WDR64: variants seen among roughly 807,000 people sequenced by gnomAD.
WDR64 encodes the protein WD repeat-containing protein 64.
WDR64 carries 112 observed loss-of-function variants against 139.3 expected under a neutral mutation model. The ratio of observed to expected loss-of-function variants is 0.80; its 90% CI spans 0.69 to 0.94. The LOEUF (loss-of-function observed/expected upper bound fraction) is 0.94. Ranked by LOEUF, WDR64 falls within the 40% of genes least tolerant of loss-of-function variation. WDR64 has a pLI of 0.00. For synonymous variants in WDR64, 444 were observed against 437.7 expected, an observed-to-expected ratio of 1.01 and a Z score of -0.18; for missense variants, 1,206 against 1,293.1, an observed-to-expected ratio of 0.93 and a Z score of 1.03.
intron 15 of WDR64, among the ~76,000 whole-genome samples, chr1:241,761,089 C>T (rs1657866283): frequency 6.6e-6 from 1 of 152,076 alleles, no homozygotes; most frequent in African/African-American, 2.4e-5. Context: ...TGTGAGACTG[C>T]CTATTTCCCC....
At chr1:241,764,256 C>T (rs58903593) in intron 15 of WDR64, among the ~76,000 whole-genome samples, 22,900 of 152,150 alleles carry the variant, frequency 0.15, 1,917 homozygotes, top group African/African-American at 0.19. Context: ...CAGATTTGTG[C>T]TGTGGGCAGC....
intron 25 of WDR64, among the ~76,000 whole-genome samples, chr1:241,792,622 GA>G (rs1659242724): frequency 6.6e-6 from 1 of 152,052 alleles, no homozygotes; most frequent in African/African-American, 2.4e-5. Context: ...AATCAGTGAG[GA>G]AAAAAGAGAC....
chr1:241,671,582 C>T lies in WDR64; in HGVS notation c.379+406C>T, dbSNP rs115611652. On this transcript the variant is annotated intron_variant, in intron 3 of 27. Coordinates refer to ENST00000437684, the MANE Select transcript of WDR64 (RefSeq NM_001367482.1). ...ACTCTTCTATTCACTCTCATCTACC[C>T]GGGATTATCTTAAAGATGTTTAACC... Among the ~76,000 whole-genome samples the T allele has an allele frequency of 2.8e-3, 422 of 152,220 alleles. 4 individuals are homozygous for T. The highest frequency in any genetic ancestry group is 9.3e-3 in the African/African-American group (385 of 41,530).
chr1:241,796,624 C>G (rs1659372286), intron 27 of WDR64, among the ~76,000 whole-genome samples: 1 of 152,040 alleles, frequency 6.6e-6, no homozygotes, highest in South Asian at 2.1e-4. Context: ...TCCTAAGTAG[C>G]TGGGATTACA....
intron 7 of WDR64, among the ~76,000 whole-genome samples, chr1:241,685,325 G>A (rs1325534873): frequency 2.0e-5 from 3 of 151,594 alleles, no homozygotes; most frequent in Non-Finnish European, 4.4e-5. Flanking sequence ...AAGTGTTTAT[G>A]ACATAATGTC....
At chr1:241,737,452 T>C (rs563909529) in intron 10 of WDR64, among the ~76,000 whole-genome samples, 218 of 152,222 alleles carry the variant, frequency 1.4e-3, no homozygotes, top group Non-Finnish European at 2.5e-3. Context: ...TTACATGTAG[T>C]TCTGTTAATG....
rs761497351 is a variant in WDR64 at position 241,697,864 on chromosome 1, C to T, written c.974+10269C>T. 2.6e-4 allele frequency among the ~76,000 whole-genome samples: 40 copies of T among 152,280 alleles called. 1 individual carries two copies. The highest frequency in any genetic ancestry group is 1.9e-4 in the East Asian group (1 of 5,180). On this transcript the variant is annotated intron_variant, in intron 8 of 27. Transcript: ENST00000437684. Reference sequence around the variant, plus strand: ...TGATCTCACCCACCCTGAAACTATTCGCCTGGTTTCTGGGAAGCCAGAGTT... The same window carrying T: ...TGATCTCACCCACCCTGAAACTATTTGCCTGGTTTCTGGGAAGCCAGAGTT...
intron 11 of WDR64, 121 bp downstream of exon 11, chr1:241,738,610 T>A (rs7418686): frequency 4.8e-6 from 5 of 1,048,672 alleles, no homozygotes; most frequent in Non-Finnish European, 6.6e-6. Flanking sequence ...TATCAAACCA[T>A]GATTCGTGAC....
At chr1:241,669,360 A>T (rs578232027) in intron 2 of WDR64, among the ~76,000 whole-genome samples, 1 of 152,310 alleles carries the variant, frequency 6.6e-6, no homozygotes, top group African/African-American at 2.4e-5. Context: ...TTAACTGAAT[A>T]ATGCATAAAT....
chr1:241,769,328 G>A (rs1658327251), intron 16 of WDR64, 76 bp from the exon 17 acceptor site: 1 of 1,146,544 alleles, frequency 8.7e-7, no homozygotes, highest in Non-Finnish European at 1.3e-6. Context: ...TAGCTCTGCA[G>A]AGGATATACA....
intron 23 of WDR64, among the ~76,000 whole-genome samples, chr1:241,787,484 G>C (rs1339921368): frequency 1.3e-5 from 2 of 151,902 alleles, no homozygotes; most frequent in South Asian, 4.1e-4. Flanking sequence ...GGCCAAAGTG[G>C]TGAAACCCCG....
intron 23 of WDR64, among the ~76,000 whole-genome samples, chr1:241,787,299 G>C (rs9428891): frequency 0.21 from 30,911 of 147,978 alleles, 3,596 homozygotes; most frequent in East Asian, 0.41. Context: ...AGGAGGCGGA[G>C]CTTGCAGTGA....
chr1:241,728,973 AGT>A (rs1304976338), intron 10 of WDR64, among the ~76,000 whole-genome samples: 2 of 152,142 alleles, frequency 1.3e-5, no homozygotes, highest in African/African-American at 4.8e-5. Context: ...CTAGATTGTG[AGT>A]GTGCATATCT....
intron 21 of WDR64, among the ~76,000 whole-genome samples, chr1:241,778,602 C>G (rs1481510532): frequency 6.6e-6 from 1 of 152,080 alleles, no homozygotes; most frequent in Non-Finnish European, 1.5e-5. Context: ...CAGTCTTTTT[C>G]TGCCTTTTGC....
At chr1:241,800,947 G>A (rs1659505656) in intron 27 of WDR64, among the ~76,000 whole-genome samples, 185 bp from the exon 28 acceptor site, 1 of 151,866 alleles carries the variant, frequency 6.6e-6, no homozygotes, top group Non-Finnish European at 1.5e-5. Context: ...TCCTTCAGGA[G>A]CCCCACCTCC....
chr1:241,753,247 T>A (rs963111289), intron 14 of WDR64, among the ~76,000 whole-genome samples: 1 of 152,208 alleles, frequency 6.6e-6, no homozygotes, highest in Non-Finnish European at 1.5e-5. Context: ...CTGTCTTCAC[T>A]CCTAGACCAA....
intron 11 of WDR64, among the ~76,000 whole-genome samples, chr1:241,739,012 A>C (rs140407408): frequency 6.6e-6 from 1 of 152,188 alleles, no homozygotes; most frequent in Non-Finnish European, 1.5e-5. Flanking sequence ...CCTTTTCTGC[A>C]GTGAGGAAAT....
chr1:241,782,801 C>G (rs538595248), intron 22 of WDR64, among the ~76,000 whole-genome samples: 1 of 152,166 alleles, frequency 6.6e-6, no homozygotes, highest in African/African-American at 2.4e-5. Flanking sequence ...ATACTCCCCC[C>G]AAAAGAACAA....
chr1:241,671,156 A>G lies in WDR64; in HGVS notation c.359A>G (p.Lys120Arg), dbSNP rs2148072803. 1 of 1,549,874 alleles carries G rather than the reference A, an allele frequency of 6.5e-7. No individual in the cohort carries two copies. The change falls in exon 3 of 28, where the codon AAA (lysine) becomes AGA (arginine). Residue 120 changes from lysine (K) to arginine (R), a missense_variant. By Grantham distance (26) the Lys-to-Arg change is conservative (BLOSUM62 2). Transcript: ENST00000437684. ...EENLVFFVSR[K>R]RRILISGSRR... ...AATTTGGTTTTCTTTGTGTCTAGAA[A>G]AAGGCGAATTTTAATTTCAGGTGAC...
Sources: allele counts gnomAD v4.1 joint callset (sites outside exome capture counted in the v4.1 genomes callset), GRCh38; gene constraint gnomAD v4.1.1; transcripts MANE v1.5; gene names NCBI Gene and HGNC (gene_info 2026-07-23, HGNC 2026-07-21).